LRP1B: variants seen among roughly 807,000 people sequenced by gnomAD.
LRP1B encodes low-density lipoprotein receptor-related protein 1B.
LRP1B carries 217 observed loss-of-function variants against 556.6 expected under a neutral mutation model. The observed-to-expected ratio is 0.39, with a 90% CI of 0.35 to 0.44. The LOEUF is 0.44. LRP1B is among the 20% of genes least tolerant of loss of function. LRP1B has a pLI of 1.00. For synonymous variants in LRP1B, 2,047 were observed against 1,865.8 expected (o/e 1.10, Z -2.50); for missense variants, 5,053 against 5,620.8 (o/e 0.90, Z 3.23).
chr2:141,059,881 G>C (rs1699289895), intron 8 of LRP1B, among the ~76,000 whole-genome samples: 1 of 151,730 alleles, frequency 6.6e-6, no homozygotes, highest in Non-Finnish European at 1.5e-5. Flanking sequence ...CTTGCCTTTG[G>C]CTACTCATTT....
chr2:140,489,175 A>G (rs2105369000), intron 57 of LRP1B, among the ~76,000 whole-genome samples: 1 of 152,126 alleles, frequency 6.6e-6, no homozygotes, highest in African/African-American at 2.4e-5. Flanking sequence ...TTTAGTAATA[A>G]TAGTGTTAAA....
Position 140,264,839 on chromosome 2 carries a change from C to T in LRP1B, c.13247+5403G>A, listed in dbSNP as rs568178627. ...ATCTATGTGCCACACACAGGGATAC[C>T]TGAGTTGAGATTAATGAGATAATAA... is the stretch of plus-strand genomic sequence containing the variant. On this transcript the variant is annotated intron_variant, in intron 86 of 90. Coordinates refer to ENST00000389484, the MANE Select transcript of LRP1B (RefSeq NM_018557.3). Among the ~76,000 whole-genome samples, 425 of 151,590 alleles carry T rather than the reference C, an allele frequency of 2.8e-3. 1 individual carries two copies. The highest frequency in any genetic ancestry group is 1.0e-2 in the African/African-American group (412 of 41,316).
In LRP1B at chr2:141,339,679, G is replaced by A. The variant is rs868786557; in HGVS notation, c.344-85038C>T. ...AAACCAGTCTCAGTTTGAATGTGGC[G>A]TGGTTTCAACATGAAGTCAATCATA... On this transcript the variant is annotated intron_variant, in intron 3 of 90. Coordinates refer to ENST00000389484, the MANE Select transcript of LRP1B (RefSeq NM_018557.3). Among the ~76,000 whole-genome samples the A allele has an allele frequency of 4.7e-4, 72 of 152,258 alleles. 1 individual carries two copies. The highest frequency in any genetic ancestry group is 3.4e-3 in the Middle Eastern group (1 of 294).
chr2:141,870,997 A>T (rs1698568645), intron 1 of LRP1B, among the ~76,000 whole-genome samples: 2 of 152,062 alleles, frequency 1.3e-5, no homozygotes, highest in African/African-American at 4.8e-5. Flanking sequence ...CTCATCATTC[A>T]TATTAGCTAA....
At chr2:142,020,038 G>C (rs1179572040) in intron 1 of LRP1B, among the ~76,000 whole-genome samples, 3 of 152,060 alleles carry the variant, frequency 2.0e-5, no homozygotes, top group Non-Finnish European at 4.4e-5. Flanking sequence ...TTTAGTACCT[G>C]TCTCATCACA....
chr2:141,007,229 G>A (rs1428304305), intron 14 of LRP1B, among the ~76,000 whole-genome samples: 1 of 151,620 alleles, frequency 6.6e-6, no homozygotes, highest in Non-Finnish European at 1.5e-5. Flanking sequence ...TGTGCTATAC[G>A]GAGGATAATA....
chr2:140,933,937 C>G (rs1005639862), intron 20 of LRP1B, among the ~76,000 whole-genome samples: 3 of 144,842 alleles, frequency 2.1e-5, no homozygotes, highest in Admixed American at 1.4e-4. Flanking sequence ...TTAAAGTGAC[C>G]TTTAAAGCGT....
chr2:141,806,186 A>G (rs991804151), intron 2 of LRP1B, among the ~76,000 whole-genome samples: 2 of 152,114 alleles, frequency 1.3e-5, no homozygotes, highest in African/African-American at 4.8e-5. Context: ...TAAATCTTGA[A>G]TACCTCAGAA....
intron 83 of LRP1B, among the ~76,000 whole-genome samples, chr2:140,304,109 G>T (rs1173398937): frequency 2.6e-5 from 4 of 152,078 alleles, no homozygotes; most frequent in African/African-American, 9.7e-5. Context: ...GAATAGTTCC[G>T]TAATAAACGT....
intron 3 of LRP1B, among the ~76,000 whole-genome samples, chr2:141,408,038 T>A (rs1288206678): frequency 1.3e-5 from 2 of 152,114 alleles, no homozygotes; most frequent in African/African-American, 4.8e-5. Flanking sequence ...GGAGAAATCT[T>A]CATACCTGGT....
chr2:141,250,203 G>A (rs973828056), intron 4 of LRP1B, among the ~76,000 whole-genome samples: 1 of 152,124 alleles, frequency 6.6e-6, no homozygotes, highest in African/African-American at 2.4e-5. Context: ...GTCTTTTGGT[G>A]TTCATAAAGA....
chr2:141,093,400 G>A, intron 7 of LRP1B, among the ~76,000 whole-genome samples: 1 of 152,128 alleles, frequency 6.6e-6, no homozygotes, highest in South Asian at 2.1e-4. Flanking sequence ...AAGGAATGGT[G>A]TAAAATAGTA....
chr2:140,396,322 CTAAAA>C (rs1319288018), intron 66 of LRP1B, among the ~76,000 whole-genome samples: 1 of 152,116 alleles, frequency 6.6e-6, no homozygotes, highest in Non-Finnish European at 1.5e-5. Context: ...GTTGAATCTA[CTAAAA>C]TATCTTAAAA....
At chr2:141,952,209 C>T (rs1418197844) in intron 1 of LRP1B, among the ~76,000 whole-genome samples, 1 of 151,864 alleles carries the variant, frequency 6.6e-6, no homozygotes, top group African/African-American at 2.4e-5. Flanking sequence ...GCATAATATT[C>T]CATGGTGTAT....
intron 3 of LRP1B, among the ~76,000 whole-genome samples, chr2:141,386,366 C>CA (rs1401542861): frequency 6.6e-6 from 1 of 151,988 alleles, no homozygotes; most frequent in Non-Finnish European, 1.5e-5. Flanking sequence ...CCTTACTCAT[C>CA]AAAAATTACT....
At chr2:141,517,753 T>C (rs1426234527) in intron 2 of LRP1B, among the ~76,000 whole-genome samples, 1 of 152,206 alleles carries the variant, frequency 6.6e-6, no homozygotes, top group East Asian at 1.9e-4. Flanking sequence ...ACCAGGCTTT[T>C]ACCAAAGATG....
chr2:141,188,916 G>T (rs1342489119), intron 6 of LRP1B, among the ~76,000 whole-genome samples: 7 of 151,930 alleles, frequency 4.6e-5, no homozygotes, highest in Non-Finnish European at 1.0e-4. Flanking sequence ...GGAATGAACA[G>T]AACTGATTCA....
chr2:141,398,315 C>T (rs949402718), intron 3 of LRP1B, among the ~76,000 whole-genome samples: 1 of 152,042 alleles, frequency 6.6e-6, no homozygotes, highest in African/African-American at 2.4e-5. Context: ...CATATTGATG[C>T]TTACCATGAA....
intron 3 of LRP1B, among the ~76,000 whole-genome samples, chr2:141,286,066 C>CAA (rs200182512): frequency 0.03 from 2,807 of 94,062 alleles, 91 homozygotes; most frequent in African/African-American, 0.04. Context: ...GACTCCGTCT[C>CAA]AAAAAAAAAA....
Sources: allele counts gnomAD v4.1 joint callset (sites outside exome capture counted in the v4.1 genomes callset), GRCh38; gene constraint gnomAD v4.1.1; transcripts MANE v1.5; gene names NCBI Gene and HGNC (gene_info 2026-07-23, HGNC 2026-07-21).